Variants in LSAMP observed in about 807,000 individuals in gnomAD.
The protein encoded by LSAMP is limbic system-associated membrane protein.
In LSAMP, 7 loss-of-function variants were observed where a neutral mutation model predicts 38.6. That is an observed-to-expected ratio of 0.18 (90% CI 0.10 to 0.34). The LOEUF (loss-of-function observed/expected upper bound fraction) is 0.34, where lower values mean the gene tolerates loss of function less well. Among genes scored for constraint, LSAMP ranks in the 10% least tolerant of loss-of-function variants. LSAMP has a pLI of 1.00. For missense variants in LSAMP, 313 were observed against 420.0 expected, an observed-to-expected ratio of 0.75 and a Z score of 2.23; for synonymous variants, 154 against 166.8, an observed-to-expected ratio of 0.92 and a Z score of 0.59.
At chr3:115,888,738 T>C (rs1936519303) in intron 3 of LSAMP, among the ~76,000 whole-genome samples, 1 of 151,920 alleles carries the variant, frequency 6.6e-6, no homozygotes. Flanking sequence ...AAATTTCTAT[T>C]TTTTCTTCTT....
At chr3:116,287,624 A>C (rs546878064) in intron 1 of LSAMP, among the ~76,000 whole-genome samples, 1 of 152,340 alleles carries the variant, frequency 6.6e-6, no homozygotes, top group South Asian at 2.1e-4. Context: ...AATAAACCTG[A>C]AAAAGATAAA....
chr3:116,172,907 A>C (rs1284509419), intron 1 of LSAMP, among the ~76,000 whole-genome samples: 1 of 152,002 alleles, frequency 6.6e-6, no homozygotes. Context: ...CAGTTTCCAC[A>C]TCGACAATGG....
At chr3:116,063,669 A>G (rs1218500949) in intron 2 of LSAMP, among the ~76,000 whole-genome samples, 1 of 152,220 alleles carries the variant, frequency 6.6e-6, no homozygotes, top group Non-Finnish European at 1.5e-5. Context: ...TAACTACTTG[A>G]TCATGATGAG....
intron 3 of LSAMP, among the ~76,000 whole-genome samples, chr3:116,001,246 G>A (rs9289034): frequency 0.48 from 72,936 of 151,988 alleles, 19,417 homozygotes; most frequent in African/African-American, 0.73. Flanking sequence ...TTGCATTACA[G>A]TTGAACATAA....
At chr3:116,233,356 T>C (rs975972396) in intron 1 of LSAMP, among the ~76,000 whole-genome samples, 1 of 129,488 alleles carries the variant, frequency 7.7e-6, no homozygotes, top group Non-Finnish European at 1.5e-5. Flanking sequence ...GAGCTTACAG[T>C]GAGCTGAGAT....
chr3:116,346,404 C>CT (rs1269135943), intron 1 of LSAMP, among the ~76,000 whole-genome samples: 1 of 151,246 alleles, frequency 6.6e-6, no homozygotes, highest in Non-Finnish European at 1.5e-5. Flanking sequence ...TCTCAGTTCA[C>CT]TGCAACCTCT....
chr3:116,027,233 A>G (rs189971837), intron 2 of LSAMP, among the ~76,000 whole-genome samples: 4 of 152,326 alleles, frequency 2.6e-5, no homozygotes, highest in Admixed American at 6.5e-5. Context: ...TGCAAAATAA[A>G]GAATAACTAT....
At position 116,197,092 on chromosome 3, in the gene LSAMP, GT is replaced by G. The variant is rs1250574780; in HGVS notation, c.156-110537del. Among the ~76,000 whole-genome samples, 7 of 151,022 alleles carry G rather than the reference GT, an allele frequency of 4.6e-5. No individual in the cohort carries two copies. The East Asian group carries it at 1.4e-3, about 29-fold the overall frequency. On this transcript the variant is annotated intron_variant, in intron 1 of 6. Transcript: ENST00000490035. Reference sequence around the variant, plus strand: ...ATCAGCAGTCTCTGATAAAATGGGGGTCCCCTGGTGAGGCCTAAAACAAAAG... The same window carrying G: ...ATCAGCAGTCTCTGATAAAATGGGGGCCCCTGGTGAGGCCTAAAACAAAAG...
At chr3:116,112,835 A>G (rs1708647489) in intron 1 of LSAMP, among the ~76,000 whole-genome samples, 1 of 152,236 alleles carries the variant, frequency 6.6e-6, no homozygotes, top group African/African-American at 2.4e-5. Flanking sequence ...GTTATCTGCC[A>G]TGAATTTGCC....
intron 1 of LSAMP, among the ~76,000 whole-genome samples, chr3:116,440,088 G>C (rs2049413144): frequency 6.6e-6 from 1 of 152,202 alleles, no homozygotes. Flanking sequence ...TAAAGTTACA[G>C]CATGCAAGGA....
At chr3:116,309,817 C>T (rs17702560) in intron 1 of LSAMP, among the ~76,000 whole-genome samples, 8,760 of 152,224 alleles carry the variant, frequency 0.058, 312 homozygotes, top group Middle Eastern at 0.11. Context: ...GTTACAATAG[C>T]TGGCCAAAGA....
intron 1 of LSAMP, among the ~76,000 whole-genome samples, chr3:116,090,977 G>A (rs988171063): frequency 9.2e-5 from 14 of 152,050 alleles, no homozygotes; most frequent in East Asian, 3.9e-4. Context: ...GAGATCAACC[G>A]TCTGACCAAA....
At chr3:116,416,690 T>C (rs1217476033) in intron 1 of LSAMP, among the ~76,000 whole-genome samples, 7 of 152,128 alleles carry the variant, frequency 4.6e-5, no homozygotes, top group Non-Finnish European at 7.3e-5. Context: ...TTCCCTGGTA[T>C]CTTTCTGCTC....
intron 1 of LSAMP, among the ~76,000 whole-genome samples, chr3:116,247,004 T>C (rs534824573): frequency 9.3e-4 from 142 of 152,278 alleles, no homozygotes; most frequent in African/African-American, 3.2e-3. Context: ...GTCATCTTCT[T>C]ACTGATAAAG....
chr3:116,176,437 C>T (rs9875465), intron 1 of LSAMP, among the ~76,000 whole-genome samples: 75,875 of 151,914 alleles, frequency 0.5, 21,439 homozygotes, highest in East Asian at 0.74. Context: ...TAGCACCATT[C>T]CATCATGTTG....
intron 1 of LSAMP, among the ~76,000 whole-genome samples, chr3:116,322,811 T>C (rs73861627): frequency 0.017 from 2,645 of 152,194 alleles, 75 homozygotes; most frequent in African/African-American, 0.061. Context: ...TTCCGCCATC[T>C]TTTCCTTCCT....
chr3:116,433,544 A>T (rs531643966), intron 1 of LSAMP, among the ~76,000 whole-genome samples: 1 of 152,316 alleles, frequency 6.6e-6, no homozygotes, highest in South Asian at 2.1e-4. Flanking sequence ...TTTTCCAGGA[A>T]TGTGTAATGA....
chr3:115,910,157 G>A (rs1353475209), intron 3 of LSAMP, among the ~76,000 whole-genome samples: 1 of 152,058 alleles, frequency 6.6e-6, no homozygotes, highest in Non-Finnish European at 1.5e-5. Flanking sequence ...ATTAAGCAAA[G>A]TGTTTAAAGT....
chr3:116,009,278 A>C (rs1940256254), intron 3 of LSAMP, among the ~76,000 whole-genome samples: 1 of 152,140 alleles, frequency 6.6e-6, no homozygotes, highest in South Asian at 2.1e-4. Context: ...AGCAGTGCTC[A>C]CATTACCTGA....
Sources: allele counts gnomAD v4.1 joint callset (sites outside exome capture counted in the v4.1 genomes callset), GRCh38; gene constraint gnomAD v4.1.1; transcripts MANE v1.5; gene names NCBI Gene and HGNC (gene_info 2026-07-23, HGNC 2026-07-21).